KRT38: variants seen among roughly 807,000 people sequenced by gnomAD.
KRT38 encodes keratin, type I cuticular Ha8.
Under a neutral mutation model 43.1 loss-of-function variants are expected in KRT38, and 45 were observed. The ratio of observed to expected loss-of-function variants is 1.04; its 90% confidence interval spans 0.82 to 1.34. The LOEUF (loss-of-function observed/expected upper bound fraction) is 1.34. Among genes scored for constraint, KRT38 ranks in the 40% most tolerant of loss-of-function variants. The pLI is 0.00. For synonymous variants in KRT38, 258 were observed against 244.0 expected, an observed-to-expected ratio of 1.06 and a Z score of -0.53; for missense variants, 627 against 586.2, an observed-to-expected ratio of 1.07 and a Z score of -0.72.
Position 41,438,156 on chromosome 17 carries a change from A to C in KRT38, c.1178T>G (p.Val393Gly). 6.2e-7 allele frequency: 1 copy of C among 1,614,132 alleles called. No individual in the cohort carries two copies. ...AATCTCATTCTCCAGCCGGGTCTTC[A>C]CGTCCAGCAGCACCTGGTACTCCTG... ...QNQEYQVLLD[V>G]KTRLENEIAT... Residue 393 changes from valine (V) to glycine (G), a missense_variant, in exon 6 of 7, where the codon GTG (valine) becomes GGG (glycine). Coordinates refer to ENST00000246646, the MANE Select transcript of KRT38 (RefSeq NM_006771.4).
chr17:41,438,314 C>T lies in KRT38; in HGVS notation c.1021-1G>A. On this transcript the variant is annotated splice_acceptor_variant, in intron 5 of 6. Transcript: ENST00000246646. LOFTEE classifies it high-confidence loss of function. ...ACAGGGAGTTCTGCAGACAGTCCTT[C>T]TGTAGTGGGAAATAAGGGGATAAAA... is the stretch of plus-strand genomic sequence containing the variant. The T allele has an allele frequency of 1.2e-6, 2 of 1,613,508 alleles. No homozygotes were observed. Among genetic ancestry groups the T allele is most frequent in the Non-Finnish European group, 8.5e-7 (1 of 1,179,530 alleles).
At chr17:41,437,977 T>C (rs2018745297) in intron 6 of KRT38, 116 bp downstream of exon 6, 1 of 987,552 alleles carries the variant, frequency 1.0e-6, no homozygotes, top group Non-Finnish European at 1.5e-6. Context: ...AACGACTCAC[T>C]GAAAAGGAGT....
In KRT38 at chr17:41,436,882, T is replaced by C. The variant is rs529660900; in HGVS notation, c.*530A>G. 6.6e-6 allele frequency: 1 copy of C among 152,120 alleles called. No individual in the cohort carries two copies. The highest frequency in any genetic ancestry group is 1.5e-5 in the Non-Finnish European group (1 of 68,044). 9.4% of individuals were successfully genotyped at this position (152,120 alleles called of 1,614,324 possible). A position where few individuals can be genotyped will look rare whatever the true frequency, so the allele number is the denominator to read the frequency against. On this transcript the variant is annotated 3_prime_UTR_variant, in exon 7 of 7. Transcript: ENST00000246646. ...ACAAGGAAAGTTTCCACTTAATCAG[T>C]TTCCAAGATAGGGAGGCAGGAGGAT...
rs1445623711 is a variant in KRT38, at chr17:41,440,719, C to G, written c.203G>C (p.Cys68Ser). 2.5e-6 allele frequency: 4 copies of G among 1,614,180 alleles called. No individual in the cohort carries two copies. Among genetic ancestry groups the G allele is most frequent in the Admixed American group, 1.7e-5 (1 of 60,032 alleles). The change falls in exon 1 of 7, where the codon TGT (cysteine) becomes TCT (serine). Residue 68 changes from cysteine to serine, a missense_variant. Coordinates refer to ENST00000246646, the MANE Select transcript of KRT38 (RefSeq NM_006771.4). ...AGCAGTGTGGCAGGTAGGCGGCAGA[C>G]AGAGGCTGGGGCGGCCCAGGGGAGT... ...GSTPLGRPSLCLPPTCHTACP... is the reference protein window; with the variant it reads ...GSTPLGRPSLSLPPTCHTACP...
rs1398843285 is a variant in KRT38 at position 41,440,238 on chromosome 17, C to T, written c.498G>A (p.Leu166=). 1.2e-6 allele frequency: 2 copies of T among 1,614,056 alleles called. No individual in the cohort carries two copies. Among genetic ancestry groups the T allele is most frequent in the Non-Finnish European group, 1.7e-6 (2 of 1,180,032 alleles). Reference sequence around the variant, plus strand: ...GCCTGGCATTCTCGGCCTTGCTGCACAGGATCTGAGGAGAACAGGAAGACA... The same window carrying T: ...GCCTGGCATTCTCGGCCTTGCTGCATAGGATCTGAGGAGAACAGGAAGACA... ...HTIEELQQKI[L]CSKAENARLI... The change falls in exon 2 of 7, where the codon CTG becomes CTA. Residue 166 remains leucine (L), a synonymous_variant. Coordinates refer to ENST00000246646, the MANE Select transcript of KRT38 (RefSeq NM_006771.4).
At chr17:41,439,625 A>G (rs1477334493) in intron 2 of KRT38, among the ~76,000 whole-genome samples, 1 of 152,212 alleles carries the variant, frequency 6.6e-6, no homozygotes, top group African/African-American at 2.4e-5. Flanking sequence ...TGACTTGCGT[A>G]AGATCATGCA....
Position 41,437,144 on chromosome 17 carries a change from G to A in KRT38, c.*268C>T, listed in dbSNP as rs144186784. On this transcript the variant is annotated 3_prime_UTR_variant, in exon 7 of 7. Coordinates refer to ENST00000246646, the MANE Select transcript of KRT38 (RefSeq NM_006771.4). Reference sequence around the variant, plus strand: ...TCATGCCGTGTTCCTACTCCAAAATGCTTTTCAACCTTATGCCTCTCCAAT... The same window carrying A: ...TCATGCCGTGTTCCTACTCCAAAATACTTTTCAACCTTATGCCTCTCCAAT... The A allele has an allele frequency of 9.0e-4, 322 of 357,110 alleles. No homozygotes were observed. The highest frequency in any genetic ancestry group is 1.3e-3 in the Non-Finnish European group (256 of 200,172). 22.1% of individuals were successfully genotyped at this position (357,110 alleles called of 1,614,324 possible).
At chr17:41,438,879 C>G (rs1227149285) in intron 3 of KRT38, 21 bp from the exon 4 acceptor site, 2 of 1,612,400 alleles carry the variant, frequency 1.2e-6, no homozygotes, top group South Asian at 2.2e-5. Context: ...GAGGAAGGGA[C>G]AGACAGCCTG....
chr17:41,440,634 A>C lies in KRT38; in HGVS notation c.288T>G (p.Gly96=), dbSNP rs1321573772. Residue 96 remains glycine, a synonymous_variant, in exon 1 of 7, where the codon GGT becomes GGG. Transcript: ENST00000246646. ...PGNIGICGAY[G]ENTLNGHEKE... is the part of the protein sequence containing the mutation. ...TCTCATGGCCATTCAGGGTGTTTTC[A>C]CCATAGGCCCCACAGATTCCAATGT... 1 of 1,614,056 alleles carries C rather than the reference A, an allele frequency of 6.2e-7. No homozygotes were observed. The highest frequency in any genetic ancestry group is 1.1e-5 in the South Asian group (1 of 91,082).
Position 41,440,178 on chromosome 17 carries a change from G to A in KRT38, c.558C>T (p.Ala186=), listed in dbSNP as rs764845718. The change falls in exon 2 of 7, where the codon GCC becomes GCT. Residue 186 remains alanine, a synonymous_variant. Coordinates refer to ENST00000246646, the MANE Select transcript of KRT38 (RefSeq NM_006771.4). ...IVQIDNAKLA[A]DDFRIKLESE... is the part of the protein sequence containing the mutation. ...TGACTTACTTGATCCTAAAGTCATC[G>A]GCAGCCAGCTTGGCATTGTCAATTT... 46 of 1,614,012 alleles carry A rather than the reference G, an allele frequency of 2.9e-5. No individual in the cohort carries two copies. Among genetic ancestry groups the A allele is most frequent in the South Asian group, 1.1e-4 (10 of 91,076 alleles).
At chr17:41,437,667 A>G in intron 6 of KRT38, 126 bp from the exon 7 acceptor site, 1 of 928,714 alleles carries the variant, frequency 1.1e-6, no homozygotes, top group Non-Finnish European at 1.5e-6. Context: ...GGACCCTGTG[A>G]CCATTAGCAC....
At position 41,437,494 on chromosome 17, in the gene KRT38, G is replaced by C. The variant is rs1415816284; in HGVS notation, c.1289C>G (p.Pro430Arg). ...GCCACAGCTTGGGCGAGGAGCACAG[G>C]GGGCAGTCACGCAGGAGGGAGACGT... ...CSTSPSCVTAPCAPRPSCGPC... is the reference protein window; with the variant it reads ...CSTSPSCVTARCAPRPSCGPC... The change falls in exon 7 of 7, where the codon CCC (proline) becomes CGC (arginine). Residue 430 changes from proline (P) to arginine (R), a missense_variant. Pro to Arg is a moderately radical substitution (Grantham distance 103). Transcript: ENST00000246646. The C allele has an allele frequency of 1.3e-6, 2 of 1,561,420 alleles. No homozygotes were observed. The highest frequency in any genetic ancestry group is 1.7e-6 in the Non-Finnish European group (2 of 1,161,562).
At chr17:41,439,801 C>T (rs531096917) in intron 2 of KRT38, among the ~76,000 whole-genome samples, 6 of 152,148 alleles carry the variant, frequency 3.9e-5, no homozygotes, top group Non-Finnish European at 8.8e-5. Context: ...TACCTTAGGG[C>T]TCCCTAATTA....
In KRT38 at chr17:41,438,088, C is replaced by A. The variant is rs778151960; in HGVS notation, c.1241+5G>T. On this transcript the variant is annotated splice_donor_5th_base_variant and intron_variant, in intron 6 of 6. Transcript: ENST00000246646. ...TTGGCCAGGAATTGCCCAGATCACA[C>A]GTACTTGCAGTCCTCGCTTTCCAGA... 6.2e-7 allele frequency: 1 copy of A among 1,613,728 alleles called. No individual in the cohort carries two copies. Among genetic ancestry groups the A allele is most frequent in the South Asian group, 1.1e-5 (1 of 91,024 alleles).
chr17:41,440,160 C>G lies in KRT38; in HGVS notation c.575+1G>C. ...CCCTGGCCCTCCTCCGCCTGACTTA[C>G]TTGATCCTAAAGTCATCGGCAGCCA... On this transcript the variant is annotated splice_donor_variant, in intron 2 of 6. Coordinates refer to ENST00000246646, the MANE Select transcript of KRT38 (RefSeq NM_006771.4). LOFTEE classifies it high-confidence loss of function. 6.2e-7 allele frequency: 1 copy of G among 1,613,852 alleles called. No individual in the cohort carries two copies.
intron 2 of KRT38, 131 bp downstream of exon 2, chr17:41,440,030 T>C: frequency 1.3e-6 from 1 of 743,316 alleles, no homozygotes; most frequent in East Asian, 2.7e-5. Context: ...CAGCTTCGAT[T>C]GTAATGAAAA....
In KRT38 at chr17:41,438,754, C is replaced by A. The variant is rs1224476514; in HGVS notation, c.837G>T (p.Gln279His). The A allele has an allele frequency of 6.2e-7, 1 of 1,614,146 alleles. No homozygotes were observed. The highest frequency in any genetic ancestry group is 1.6e-4 in the Middle Eastern group (1 of 6,062). ...LNRVLGEMRAQYEAMLETNRQ... is the reference protein window; with the variant it reads ...LNRVLGEMRAHYEAMLETNRQ... ...GGTTGGTCTCCAACATGGCCTCATA[C>A]TGAGCCCGCATCTCCCCCAGCACCC... Residue 279 changes from glutamine (Q) to histidine (H), a missense_variant, in exon 4 of 7, where the codon CAG becomes CAT. Transcript: ENST00000246646.
chr17:41,440,368 A>C lies in KRT38; in HGVS notation c.492+62T>G, dbSNP rs565769465. The C allele has an allele frequency of 3.8e-6, 6 of 1,598,894 alleles. No individual in the cohort carries two copies. The African/African-American group carries it at 8.0e-5, about 21-fold the overall frequency. ...CCAAAGTTCTCTGAGCTTTACATGG[A>C]TTCCTCCTGTCTTGCCTCTGCCATC... is the stretch of plus-strand genomic sequence containing the variant. On this transcript the variant is annotated intron_variant, in intron 1 of 6. Coordinates refer to ENST00000246646, the MANE Select transcript of KRT38 (RefSeq NM_006771.4).
rs1177778575 is a variant in KRT38, at chr17:41,440,956, C to G, written c.-35G>C. ...CTGAGGCTGCACAGGAGCTTCAGAT[C>G]AGCTGGGAAAGCTGAACCACTGAGA... On this transcript the variant is annotated 5_prime_UTR_variant, in exon 1 of 7. Coordinates refer to ENST00000246646, the MANE Select transcript of KRT38 (RefSeq NM_006771.4). 6.6e-7 allele frequency: 1 copy of G among 1,513,142 alleles called. No individual in the cohort carries two copies. Among genetic ancestry groups the G allele is most frequent in the Non-Finnish European group, 8.8e-7 (1 of 1,132,704 alleles). 93.7% of individuals were successfully genotyped at this position (1,513,142 alleles called of 1,614,324 possible).
Sources: gnomAD v4.1 joint callset for allele counts (sites outside exome capture counted in the v4.1 genomes callset) on GRCh38, gnomAD v4.1.1 for gene constraint, MANE v1.5 for transcripts, NCBI Gene and HGNC (gene_info 2026-07-23, HGNC 2026-07-21) for gene names.